NEGR1: variants seen among roughly 807,000 people sequenced by gnomAD.
The protein encoded by NEGR1 is neuronal growth regulator 1.
Under a neutral mutation model 40.9 loss-of-function variants are expected in NEGR1, and 10 were observed. The ratio of observed to expected loss-of-function variants is 0.24; its 90% CI spans 0.15 to 0.42. The LOEUF (loss-of-function observed/expected upper bound fraction) is 0.42. NEGR1 is among the 10% of genes least tolerant of loss of function. The pLI, the probability that NEGR1 is intolerant of heterozygous loss-of-function variation, is 1.00. For missense variants in NEGR1, 352 were observed against 438.9 expected (o/e 0.80, Z 1.77); for synonymous variants, 185 against 166.8 (o/e 1.11, Z -0.84).
intron 3 of NEGR1, among the ~76,000 whole-genome samples, chr1:71,740,130 T>A (rs761280737): frequency 6.6e-6 from 1 of 152,336 alleles, no homozygotes. Context: ...TTATGGAATT[T>A]ATATCATTCA....
In NEGR1 at chr1:71,553,063, C is replaced by T. The variant is rs148958366; in HGVS notation, c.940+39754G>A. 6.0e-3 allele frequency among the ~76,000 whole-genome samples: 900 copies of T among 151,080 alleles called. 9 individuals carry two copies. Among genetic ancestry groups the T allele is most frequent in the African/African-American group, 0.021 (859 of 41,010 alleles). ...CAGGTTGTAAAAATGTTAAAAAAAA[C>T]CTAGGCAATTTCCTGTTTCTTTCTT... On this transcript the variant is annotated intron_variant, in intron 6 of 6. Transcript: ENST00000357731.
chr1:71,479,441 A>G (rs1373663652), intron 6 of NEGR1, among the ~76,000 whole-genome samples: 1 of 152,040 alleles, frequency 6.6e-6, no homozygotes, highest in Non-Finnish European at 1.5e-5. Flanking sequence ...TTCACTATCC[A>G]GTAGAATCAA....
At chr1:72,077,480 C>T (rs1409555889) in intron 1 of NEGR1, among the ~76,000 whole-genome samples, 1 of 152,016 alleles carries the variant, frequency 6.6e-6, no homozygotes, top group Non-Finnish European at 1.5e-5. Flanking sequence ...ATCTGACTTA[C>T]TGAATAATTA....
chr1:71,406,611 A>C lies in NEGR1; in HGVS notation c.*835T>G, dbSNP rs1312627955. On this transcript the variant is annotated 3_prime_UTR_variant, in exon 7 of 7. Transcript: ENST00000357731. ...TGGTATATTTACTATACTGTTATTA[A>C]ATTGTCTCTCATCACAAGAACTGAG... 1 of 152,348 alleles carries C rather than the reference A, an allele frequency of 6.6e-6. No individual in the cohort carries two copies. The highest frequency in any genetic ancestry group is 1.5e-5 in the Non-Finnish European group (1 of 67,922). The allele number at this position is 152,348 out of a possible 1,614,324, so 9.4% of individuals were successfully genotyped here.
At chr1:72,032,762 A>C (rs1482580761) in intron 1 of NEGR1, among the ~76,000 whole-genome samples, 1 of 152,194 alleles carries the variant, frequency 6.6e-6, no homozygotes, top group Non-Finnish European at 1.5e-5. Flanking sequence ...AGAGACTGAG[A>C]AACCTGACCA....
intron 1 of NEGR1, among the ~76,000 whole-genome samples, chr1:72,058,868 C>A (rs928133376): frequency 6.6e-6 from 1 of 151,468 alleles, no homozygotes; most frequent in South Asian, 2.1e-4. Context: ...CTTTTGTGAG[C>A]GGAATTAACC....
intron 6 of NEGR1, among the ~76,000 whole-genome samples, chr1:71,550,749 T>C (rs187665891): frequency 6.6e-6 from 1 of 151,744 alleles, no homozygotes; most frequent in Non-Finnish European, 1.5e-5. Flanking sequence ...CAATTTTTCC[T>C]TGGTGTAGGA....
intron 3 of NEGR1, among the ~76,000 whole-genome samples, chr1:71,702,958 G>T (rs937896135): frequency 2.6e-5 from 4 of 152,062 alleles, no homozygotes; most frequent in Non-Finnish European, 5.9e-5. Context: ...GGAAGTAGTG[G>T]TGCAGGTTTT....
chr1:72,154,374 G>T (rs894048704), intron 1 of NEGR1, among the ~76,000 whole-genome samples: 1 of 151,854 alleles, frequency 6.6e-6, no homozygotes, highest in Non-Finnish European at 1.5e-5. Context: ...GCTAATTGTT[G>T]TTGAGCCAGT....
At chr1:71,912,847 A>C (rs541925682) in intron 2 of NEGR1, among the ~76,000 whole-genome samples, 1 of 152,284 alleles carries the variant, frequency 6.6e-6, no homozygotes, top group Admixed American at 6.5e-5. Context: ...ATATGTATTT[A>C]TGTATATATG....
chr1:71,582,242 A>G (rs1197515403), intron 6 of NEGR1, among the ~76,000 whole-genome samples: 1 of 152,202 alleles, frequency 6.6e-6, no homozygotes, highest in African/African-American at 2.4e-5. Context: ...TACAGTACAA[A>G]GGGAAAAACT....
intron 2 of NEGR1, among the ~76,000 whole-genome samples, chr1:71,888,416 G>C (rs1291679726): frequency 1.3e-5 from 2 of 151,982 alleles, no homozygotes; most frequent in South Asian, 2.1e-4. Flanking sequence ...AAGCGCAAGG[G>C]GTCAGGGAGT....
intron 2 of NEGR1, among the ~76,000 whole-genome samples, chr1:71,808,052 A>G (rs2101757802): frequency 6.6e-6 from 1 of 152,262 alleles, no homozygotes; most frequent in African/African-American, 2.4e-5. Context: ...ATGAGAGGAA[A>G]ATAAGAAAAG....
chr1:71,590,034 A>G (rs566177798), intron 6 of NEGR1, among the ~76,000 whole-genome samples: 3 of 152,088 alleles, frequency 2.0e-5, no homozygotes, highest in Non-Finnish European at 2.9e-5. Context: ...ATGTCTTTAC[A>G]TGAGCGGTTC....
chr1:72,238,916 G>A (rs539324166), intron 1 of NEGR1, among the ~76,000 whole-genome samples: 1 of 151,900 alleles, frequency 6.6e-6, no homozygotes, highest in African/African-American at 2.4e-5. Flanking sequence ...CAGGGAACCG[G>A]GGATCATACT....
chr1:71,416,764 T>G (rs2101271020), intron 6 of NEGR1, among the ~76,000 whole-genome samples: 1 of 152,312 alleles, frequency 6.6e-6, no homozygotes, highest in African/African-American at 2.4e-5. Context: ...GGCAGAAAAC[T>G]CTCCATTCCC....
chr1:71,691,804 C>T (rs1337977566), intron 4 of NEGR1, among the ~76,000 whole-genome samples: 1 of 151,554 alleles, frequency 6.6e-6, no homozygotes, highest in Non-Finnish European at 1.5e-5. Context: ...AAACAAACAA[C>T]ATTCTGTCCC....
Position 71,407,386 on chromosome 1 carries a change from T to A in NEGR1, c.*60A>T, listed in dbSNP as rs779511800. ...GCTGCTTTTAACAAACTGTACCAGA[T>A]TGGATCCAGCCATCAGCACTTTCAG... On this transcript the variant is annotated 3_prime_UTR_variant, in exon 7 of 7. Transcript: ENST00000357731. 1.0e-5 allele frequency: 16 copies of A among 1,550,258 alleles called. No homozygotes were observed. The East Asian group carries it at 3.6e-4, about 35-fold the overall frequency.
chr1:71,906,627 G>A lies in NEGR1; in HGVS notation c.409+28452C>T, dbSNP rs570956836. Among the ~76,000 whole-genome samples, 3 of 151,874 alleles carry A rather than the reference G, an allele frequency of 2.0e-5. No individual in the cohort carries two copies. The South Asian group carries it at 6.2e-4, about 32-fold the overall frequency. ...GAATAAATGATTTTGATCAATGAAA[G>A]AGTTTAAAATAGTGAAAAAAAACTG... On this transcript the variant is annotated intron_variant, in intron 2 of 6. Coordinates refer to ENST00000357731, the MANE Select transcript of NEGR1 (RefSeq NM_173808.3).
Sources: gnomAD v4.1 joint callset for allele counts (sites outside exome capture counted in the v4.1 genomes callset) on GRCh38, gnomAD v4.1.1 for gene constraint, MANE v1.5 for transcripts, NCBI Gene and HGNC (gene_info 2026-07-23, HGNC 2026-07-21) for gene names.